The following SRRM4 variants were observed in gnomAD, a reference collection of about 807,000 sequenced individuals.
SRRM4 encodes the protein serine/arginine repetitive matrix 4, also known as serine/arginine repetitive matrix protein 4.
Under a neutral mutation model 68.9 loss-of-function variants are expected in SRRM4, and 33 were observed. The ratio of observed to expected loss-of-function variants is 0.48; its 90% CI spans 0.36 to 0.64. The LOEUF (loss-of-function observed/expected upper bound fraction) is 0.64. Ranked by LOEUF, SRRM4 falls within the 30% of genes least tolerant of loss-of-function variation. SRRM4 has a pLI of 0.00. For synonymous variants in SRRM4, 318 were observed against 318.8 expected (o/e 1.00, Z 0.03); for missense variants, 817 against 827.1 (o/e 0.99, Z 0.15).
intron 12 of SRRM4, among the ~76,000 whole-genome samples, chr12:119,155,650 T>C (rs1372127811): frequency 6.6e-6 from 1 of 152,134 alleles, no homozygotes; most frequent in Admixed American, 6.5e-5. Flanking sequence ...GGGAGGATCA[T>C]TTGAGCCTGG....
At chr12:119,109,354 T>G (rs1954128084) in intron 2 of SRRM4, among the ~76,000 whole-genome samples, 1 of 152,204 alleles carries the variant, frequency 6.6e-6, no homozygotes, top group Non-Finnish European at 1.5e-5. Flanking sequence ...TTTCCTGAAT[T>G]TGAATGTTGG....
intron 2 of SRRM4, among the ~76,000 whole-genome samples, chr12:119,110,393 C>T (rs1009428554): frequency 2.0e-5 from 3 of 152,330 alleles, no homozygotes; most frequent in Non-Finnish European, 2.9e-5. Context: ...GTTTCTGCTG[C>T]CTTTTGTTCA....
chr12:119,158,295 G>C lies in SRRM4; in HGVS notation c.*1497G>C, dbSNP rs938878143. Reference sequence around the variant, plus strand: ...CGGAGGGAGCGAGGGAGAGAGGACCGGTCCCAGCTTTTGGATATTTTGGGT... The same window carrying C: ...CGGAGGGAGCGAGGGAGAGAGGACCCGTCCCAGCTTTTGGATATTTTGGGT... On this transcript the variant is annotated 3_prime_UTR_variant, in exon 13 of 13. Transcript: ENST00000267260. 1 of 152,744 alleles carries C rather than the reference G, an allele frequency of 6.5e-6. No individual in the cohort carries two copies. Among genetic ancestry groups the C allele is most frequent in the Non-Finnish European group, 1.5e-5 (1 of 68,112 alleles). 9.5% of individuals were successfully genotyped at this position (152,744 alleles called of 1,614,324 possible).
chr12:119,095,178 C>T (rs1954035721), intron 1 of SRRM4, among the ~76,000 whole-genome samples: 1 of 152,154 alleles, frequency 6.6e-6, no homozygotes, highest in Non-Finnish European at 1.5e-5. Flanking sequence ...GACCTCAGGC[C>T]AGGACATTAT....
intron 1 of SRRM4, among the ~76,000 whole-genome samples, chr12:119,061,892 A>T (rs956912337): frequency 1.3e-5 from 2 of 152,150 alleles, no homozygotes; most frequent in African/African-American, 4.8e-5. Context: ...ATATTTTTAA[A>T]TGTCCCCAGA....
chr12:119,077,547 G>A (rs1953923888), intron 1 of SRRM4, among the ~76,000 whole-genome samples: 1 of 152,028 alleles, frequency 6.6e-6, no homozygotes, highest in African/African-American at 2.4e-5. Context: ...ACAGTGCTGG[G>A]CATGTAATAA....
intron 1 of SRRM4, among the ~76,000 whole-genome samples, chr12:119,033,662 CAA>C (rs34508021): frequency 5.7e-4 from 80 of 139,648 alleles, no homozygotes; most frequent in South Asian, 1.1e-3. Flanking sequence ...GACTCCATCT[CAA>C]AAAAAAAAAA....
At chr12:119,032,416 T>C (rs979996377) in intron 1 of SRRM4, among the ~76,000 whole-genome samples, 6 of 152,224 alleles carry the variant, frequency 3.9e-5, no homozygotes, top group Admixed American at 3.9e-4. Flanking sequence ...TTATTTTTTG[T>C]GCAGAGACAT....
intron 1 of SRRM4, among the ~76,000 whole-genome samples, chr12:119,012,869 C>T (rs1046775927): frequency 3.3e-5 from 5 of 152,196 alleles, no homozygotes; most frequent in Admixed American, 6.5e-5. Context: ...TCTTCATTGA[C>T]TCCTACCCAA....
chr12:119,145,670 G>C lies in SRRM4; in HGVS notation c.1061G>C (p.Arg354Thr). ...AMLENLSPTS[R>T]GRESRGFQSP... Reference sequence around the variant, plus strand: ...TTGGAGAATCTCTCCCCCACCAGCAGGGGCAGAGAGTCAAGGTCAGTGCAC... The same window carrying C: ...TTGGAGAATCTCTCCCCCACCAGCACGGGCAGAGAGTCAAGGTCAGTGCAC... The change falls in exon 9 of 13, where the codon AGG (arginine) becomes ACG (threonine). Residue 354 changes from arginine (R) to threonine (T), a missense_variant. Physicochemically the swap from Arg to Thr is moderately conservative, Grantham distance 71 (BLOSUM62 -1). Transcript: ENST00000267260. 1 of 1,521,566 alleles carries C rather than the reference G, an allele frequency of 6.6e-7. No homozygotes were observed. Among genetic ancestry groups the C allele is most frequent in the Middle Eastern group, 1.8e-4 (1 of 5,616 alleles). The allele number at this position is 1,521,566 out of a possible 1,614,324, so 94.3% of individuals were successfully genotyped here.
intron 1 of SRRM4, among the ~76,000 whole-genome samples, chr12:119,025,118 GGT>G (rs142897045): frequency 2.6e-4 from 40 of 151,596 alleles, no homozygotes; most frequent in African/African-American, 7.7e-4. Context: ...TGTGCATTAG[GGT>G]GTGTGTGTGT....
intron 1 of SRRM4, among the ~76,000 whole-genome samples, chr12:119,066,380 A>G (rs1953846136): frequency 6.6e-6 from 1 of 152,228 alleles, no homozygotes; most frequent in Admixed American, 6.5e-5. Flanking sequence ...GAGGGAAAGA[A>G]ACTGGATTCA....
At chr12:119,074,989 A>G (rs1249224595) in intron 1 of SRRM4, among the ~76,000 whole-genome samples, 2 of 152,216 alleles carry the variant, frequency 1.3e-5, no homozygotes, top group Non-Finnish European at 2.9e-5. Flanking sequence ...AATGTGGAAG[A>G]CACTCACAGA....
intron 1 of SRRM4, among the ~76,000 whole-genome samples, chr12:119,034,683 T>C (rs555621765): frequency 4.6e-5 from 7 of 152,338 alleles, no homozygotes; most frequent in South Asian, 2.1e-4. Context: ...GTCTATAGTA[T>C]TGCATCTTCC....
At chr12:119,105,398 G>A (rs180728663) in intron 2 of SRRM4, among the ~76,000 whole-genome samples, 1 of 152,286 alleles carries the variant, frequency 6.6e-6, no homozygotes, top group African/African-American at 2.4e-5. Flanking sequence ...TCACCACACT[G>A]TCTTCCACAA....
chr12:119,128,610 A>T (rs1954275150), intron 7 of SRRM4, among the ~76,000 whole-genome samples: 1 of 152,202 alleles, frequency 6.6e-6, no homozygotes, highest in Admixed American at 6.5e-5. Flanking sequence ...GCTAAAACAC[A>T]TCTCTGATCT....
chr12:119,151,317 C>A, intron 10 of SRRM4, 97 bp downstream of exon 10: 1 of 1,174,982 alleles, frequency 8.5e-7, no homozygotes. Flanking sequence ...AGAAGTCAGA[C>A]GGACTTAGGT....
intron 2 of SRRM4, among the ~76,000 whole-genome samples, chr12:119,106,482 C>G (rs550111857): frequency 5.3e-5 from 8 of 152,056 alleles, no homozygotes; most frequent in African/African-American, 1.9e-4. Flanking sequence ...TCTTTTATTT[C>G]ATTGAGCAGT....
At chr12:119,054,857 A>T (rs780602577) in intron 1 of SRRM4, among the ~76,000 whole-genome samples, 29 of 152,202 alleles carry the variant, frequency 1.9e-4, no homozygotes, top group Non-Finnish European at 3.7e-4. Context: ...AACCTCTAGC[A>T]AAGGACAGTT....
Sources: gnomAD v4.1 joint callset for allele counts (sites outside exome capture counted in the v4.1 genomes callset) on GRCh38, gnomAD v4.1.1 for gene constraint, MANE v1.5 for transcripts, NCBI Gene and HGNC (gene_info 2026-07-23, HGNC 2026-07-21) for gene names.